Variants in FGF3 observed in about 807,000 individuals in gnomAD.
The protein encoded by FGF3 is FGF-3.
FGF3 carries 7 observed loss-of-function variants against 9.8 expected under a neutral mutation model. The observed-to-expected ratio is 0.72, with a 90% CI of 0.41 to 1.35. FGF3 has a LOEUF of 1.35. FGF3 is among the 40% of genes most tolerant of loss of function. The probability of loss-of-function intolerance (pLI) is 0.01; values close to 1 mark genes in which losing one functional copy is unlikely to be tolerated. For synonymous variants in FGF3, 173 were observed against 157.2 expected (o/e 1.10, Z -0.75); for missense variants, 390 against 345.6 (o/e 1.13, Z -1.02).
Position 69,818,837 on chromosome 11 carries a change from C to A in FGF3, c.97G>T (p.Gly33Cys), listed in dbSNP as rs1856188864. The A allele has an allele frequency of 3.4e-6, 5 of 1,476,572 alleles. No homozygotes were observed. Among genetic ancestry groups the A allele is most frequent in the Middle Eastern group, 2.3e-4 (1 of 4,308 alleles). 91.5% of individuals were successfully genotyped at this position (1,476,572 alleles called of 1,614,324 possible). A position where few individuals can be genotyped will look rare whatever the true frequency, so the allele number is the denominator to read the frequency against. Residue 33 changes from glycine (G) to cysteine (C), a missense_variant, in exon 1 of 3, where the codon GGC (glycine) becomes TGC (cysteine). By Grantham distance (159) the Gly-to-Cys change is radical (BLOSUM62 -3). Transcript: ENST00000334134. ...ARLRRDAGGRGGVYEHLGGAP... is the reference protein window; with the variant it reads ...ARLRRDAGGRCGVYEHLGGAP... ...CCGCCAAGGTGCTCGTAGACGCCGC[C>A]ACGGCCGCCCGCATCGCGCCGCAAC...
intron 2 of FGF3, among the ~76,000 whole-genome samples, chr11:69,815,760 C>T (rs782107621): frequency 1.7e-4 from 26 of 152,274 alleles, no homozygotes; most frequent in East Asian, 3.9e-4. Flanking sequence ...TTTGGTTACA[C>T]GGAGGCCCAG....
chr11:69,812,503 C>T lies in FGF3; in HGVS notation c.325-1803G>A, dbSNP rs370008219. ...CAGTCTGGATGTTACTATCCAAGACCGGTCTCCATGTTTATAGATGGGGAA... is the reference window on the plus strand; with the variant it reads ...CAGTCTGGATGTTACTATCCAAGACTGGTCTCCATGTTTATAGATGGGGAA... On this transcript the variant is annotated intron_variant, in intron 2 of 2. Coordinates refer to ENST00000334134, the MANE Select transcript of FGF3 (RefSeq NM_005247.4). Among the ~76,000 whole-genome samples, 364 of 152,202 alleles carry T rather than the reference C, an allele frequency of 2.4e-3. 1 individual carries two copies. Among genetic ancestry groups the T allele is most frequent in the African/African-American group, 8.1e-3 (337 of 41,516 alleles).
At position 69,810,311 on chromosome 11, in the gene FGF3, C is replaced by A. The variant is rs564356317; in HGVS notation, c.714G>T (p.Ala238=). The A allele has an allele frequency of 1.4e-5, 22 of 1,562,218 alleles. No individual in the cohort carries two copies. Among genetic ancestry groups the A allele is most frequent in the East Asian group, 9.3e-5 (4 of 42,802 alleles). Residue 238 remains alanine, a synonymous_variant, in exon 3 of 3, where the codon GCG becomes GCT. Coordinates refer to ENST00000334134, the MANE Select transcript of FGF3 (RefSeq NM_005247.4). ...SRLGSQLEAS[A]H ...CGGTGGCCACCAGGCCCAGCTAGTG[C>A]GCACTGGCCTCCAGCTGGGAGCCCA...
At chr11:69,816,825 C>T (rs973712761) in intron 1 of FGF3, among the ~76,000 whole-genome samples, 3 of 152,184 alleles carry the variant, frequency 2.0e-5, no homozygotes, top group South Asian at 2.1e-4. Flanking sequence ...CAAGCCCTGG[C>T]GGCAGCCATG....
chr11:69,816,438 A>C lies in FGF3; in HGVS notation c.221-15T>G, dbSNP rs537273607. ...CTCCAAAATACCTAGAAGAAATGAG[A>C]GGTGCCTCACTCCCGCCGCCCCCAC... On this transcript the variant is annotated splice_polypyrimidine_tract_variant and intron_variant, in intron 1 of 2. Transcript: ENST00000334134. 1.9e-6 allele frequency: 3 copies of C among 1,601,884 alleles called. No individual in the cohort carries two copies. The African/African-American group carries it at 4.0e-5, about 21-fold the overall frequency.
Position 69,810,706 on chromosome 11 carries a change from G to A in FGF3, c.325-6C>T, listed in dbSNP as rs374520540. ...CACTCGGCGCTGTAGTGCTCCTGCGGGGATGAGATATCATGGTCAGTGCCC... is the reference window on the plus strand; with the variant it reads ...CACTCGGCGCTGTAGTGCTCCTGCGAGGATGAGATATCATGGTCAGTGCCC... On this transcript the variant is annotated splice_polypyrimidine_tract_variant and splice_region_variant and intron_variant, in intron 2 of 2. Coordinates refer to ENST00000334134, the MANE Select transcript of FGF3 (RefSeq NM_005247.4). 5.8e-5 allele frequency: 91 copies of A among 1,570,928 alleles called. 1 individual carries two copies. The Admixed American group carries it at 1.5e-3, about 26-fold the overall frequency.
At chr11:69,817,754 A>G (rs1554981248) in intron 1 of FGF3, among the ~76,000 whole-genome samples, 1 of 151,916 alleles carries the variant, frequency 6.6e-6, no homozygotes, top group African/African-American at 2.4e-5. Flanking sequence ...CGCGCGGAGC[A>G]CCCGAGGACA....
intron 1 of FGF3, among the ~76,000 whole-genome samples, chr11:69,817,004 G>A (rs1302577900): frequency 6.6e-6 from 1 of 152,226 alleles, no homozygotes; most frequent in Non-Finnish European, 1.5e-5. Context: ...CATTGTACTC[G>A]CCGGGGGACC....
chr11:69,815,395 T>C (rs529237290), intron 2 of FGF3, among the ~76,000 whole-genome samples: 1 of 152,248 alleles, frequency 6.6e-6, no homozygotes, highest in African/African-American at 2.4e-5. Flanking sequence ...GAGTAGCCTC[T>C]GGACCAGAGA....
rs147952743 is a variant in FGF3 at position 69,810,685 on chromosome 11, C to G, written c.340G>C (p.Glu114Gln). ...TGGATCCGCTCCACAAACTCGCACT[C>G]GGCGCTGTAGTGCTCCTGCGGGGAT... ...RLYASEHYSA[E>Q]CEFVERIHEL... Residue 114 changes from glutamate (E) to glutamine (Q), a missense_variant, in exon 3 of 3, where the codon GAG becomes CAG. Physicochemically the swap from Glu to Gln is conservative, Grantham distance 29 (BLOSUM62 2). Transcript: ENST00000334134. 6.3e-7 allele frequency: 1 copy of G among 1,590,018 alleles called. No homozygotes were observed. The highest frequency in any genetic ancestry group is 8.6e-7 in the Non-Finnish European group (1 of 1,164,674).
chr11:69,815,265 G>A (rs1473246611), intron 2 of FGF3, among the ~76,000 whole-genome samples: 1 of 149,456 alleles, frequency 6.7e-6, no homozygotes, highest in Non-Finnish European at 1.5e-5. Flanking sequence ...TGGATGGATA[G>A]GTGGATGGAT....
At chr11:69,817,732 G>A (rs559133863) in intron 1 of FGF3, among the ~76,000 whole-genome samples, 5 of 152,280 alleles carry the variant, frequency 3.3e-5, no homozygotes, top group East Asian at 1.9e-4. Flanking sequence ...GCCCGGGGCC[G>A]GAGCCGAGCG....
intron 2 of FGF3, among the ~76,000 whole-genome samples, chr11:69,814,761 A>C (rs1554980908): frequency 1.3e-5 from 2 of 152,074 alleles, no homozygotes; most frequent in Admixed American, 6.5e-5. Context: ...CTCCAGCCAG[A>C]CTGCTTGGCT....
At chr11:69,817,135 C>A (rs1396974285) in intron 1 of FGF3, among the ~76,000 whole-genome samples, 1 of 151,648 alleles carries the variant, frequency 6.6e-6, no homozygotes, top group Non-Finnish European at 1.5e-5. Context: ...TCTGGATACA[C>A]GAGTGCTGTG....
chr11:69,810,723 T>A (rs1856016391), intron 2 of FGF3, 23 bp from the exon 3 acceptor site: 2 of 1,557,030 alleles, frequency 1.3e-6, no homozygotes, highest in Non-Finnish European at 1.7e-6. Flanking sequence ...GATATCATGG[T>A]CAGTGCCCCG....
At chr11:69,813,624 A>ATGGATGGATGGATGGGTGGATGGG (rs1856064436) in intron 2 of FGF3, among the ~76,000 whole-genome samples, 2 of 68,838 alleles carry the variant, frequency 2.9e-5, no homozygotes, top group East Asian at 5.1e-4. Context: ...GGGTGGATGG[A>ATGGATGGATGGATGGGTGGATGGG]TGGATGGATG....
At chr11:69,817,059 A>G (rs1292708348) in intron 1 of FGF3, among the ~76,000 whole-genome samples, 1 of 152,180 alleles carries the variant, frequency 6.6e-6, no homozygotes, top group Non-Finnish European at 1.5e-5. Context: ...CCGCAGAGGG[A>G]AGCTGGACGG....
At chr11:69,816,727 C>G (rs1430165385) in intron 1 of FGF3, among the ~76,000 whole-genome samples, 6 of 152,200 alleles carry the variant, frequency 3.9e-5, no homozygotes, top group Non-Finnish European at 2.9e-5. Flanking sequence ...ACCTTGCCAG[C>G]TGCCATCATC....
At chr11:69,815,537 C>T (rs1337372926) in intron 2 of FGF3, among the ~76,000 whole-genome samples, 1 of 152,208 alleles carries the variant, frequency 6.6e-6, no homozygotes, top group Non-Finnish European at 1.5e-5. Flanking sequence ...GAGCAGAGAG[C>T]TCACTGCAGG....
Sources: allele counts gnomAD v4.1 joint callset (sites outside exome capture counted in the v4.1 genomes callset), GRCh38; gene constraint gnomAD v4.1.1; transcripts MANE v1.5; gene names NCBI Gene and HGNC (gene_info 2026-07-23, HGNC 2026-07-21).